PLEKHA7: variants seen among roughly 807,000 people sequenced by gnomAD.
PLEKHA7 encodes pleckstrin homology domain-containing family A member 7.
Under a neutral mutation model 170.0 loss-of-function variants are expected in PLEKHA7, and 104 were observed. The observed-to-expected ratio is 0.61, with a 90% CI of 0.52 to 0.72. The LOEUF (loss-of-function observed/expected upper bound fraction) is 0.72, where lower values mean the gene tolerates loss of function less well. PLEKHA7 is among the 30% of genes least tolerant of loss of function. PLEKHA7 has a pLI of 0.00. For missense variants in PLEKHA7, 1,615 were observed against 1,671.7 expected, an observed-to-expected ratio of 0.97 and a Z score of 0.59; for synonymous variants, 648 against 660.8, an observed-to-expected ratio of 0.98 and a Z score of 0.30.
intron 3 of PLEKHA7, among the ~76,000 whole-genome samples, chr11:16,996,865 G>A (rs879476532): frequency 1.3e-5 from 2 of 152,128 alleles, no homozygotes; most frequent in Non-Finnish European, 2.9e-5. Context: ...GAACCTGGGA[G>A]GCAGAGCTTG....
At chr11:16,866,538 G>T (rs753869260) in intron 4 of PLEKHA7, among the ~76,000 whole-genome samples, 9 of 151,970 alleles carry the variant, frequency 5.9e-5, no homozygotes, top group Non-Finnish European at 1.0e-4. Flanking sequence ...GTTGCAGTGA[G>T]CTGAGAGTGC....
At chr11:16,919,990 T>C (rs1046220698) in intron 3 of PLEKHA7, among the ~76,000 whole-genome samples, 12 of 152,168 alleles carry the variant, frequency 7.9e-5, no homozygotes, top group African/African-American at 2.9e-4. Context: ...TGGGACAACC[T>C]GGATTTGGAT....
intron 13 of PLEKHA7, among the ~76,000 whole-genome samples, chr11:16,808,185 A>G (rs1362698308): frequency 6.6e-6 from 1 of 152,208 alleles, no homozygotes; most frequent in Non-Finnish European, 1.5e-5. Flanking sequence ...AAAAACACCT[A>G]AGGAGTTTGT....
intron 3 of PLEKHA7, chr11:16,975,066 T>TA: frequency 7.2e-6 from 5 of 693,408 alleles, no homozygotes; most frequent in Non-Finnish European, 1.0e-5. Flanking sequence ...ATATATACTA[T>TA]GTATATATGT....
chr11:16,956,026 G>C (rs961309249), intron 3 of PLEKHA7, among the ~76,000 whole-genome samples: 1 of 152,152 alleles, frequency 6.6e-6, no homozygotes. Context: ...AAAAAAGTTA[G>C]GGATGAGTAT....
At chr11:16,804,624 G>A (rs949761329) in intron 13 of PLEKHA7, among the ~76,000 whole-genome samples, 3 of 152,180 alleles carry the variant, frequency 2.0e-5, no homozygotes, top group East Asian at 1.9e-4. Context: ...AGAAGAGGAC[G>A]GAACCATTGT....
rs144977648 is a variant in PLEKHA7, at chr11:16,839,775, A to G, written c.872+1772T>C. ...CACCATTTTATATAAGGGACTGAGT[A>G]TTTTGGTATCTGTGGGGCTTCCTGG... On this transcript the variant is annotated intron_variant, in intron 9 of 26. Coordinates refer to ENST00000531066, the MANE Select transcript of PLEKHA7 (RefSeq NM_001329630.2). Among the ~76,000 whole-genome samples the G allele has an allele frequency of 2.0e-5, 3 of 152,328 alleles. No individual in the cohort carries two copies. The East Asian group carries it at 5.8e-4, about 29-fold the overall frequency.
intron 19 of PLEKHA7, among the ~76,000 whole-genome samples, chr11:16,793,471 T>C (rs1590136575): frequency 6.6e-6 from 1 of 152,166 alleles, no homozygotes; most frequent in African/African-American, 2.4e-5. Flanking sequence ...AGGTAGATGG[T>C]GAAGACCAGG....
At chr11:16,968,761 A>G (rs1260438209) in intron 3 of PLEKHA7, among the ~76,000 whole-genome samples, 1 of 152,206 alleles carries the variant, frequency 6.6e-6, no homozygotes, top group Non-Finnish European at 1.5e-5. Context: ...CTGGCATGAT[A>G]GGCCTGCAAA....
chr11:16,856,919 T>G (rs1317375678), intron 4 of PLEKHA7, among the ~76,000 whole-genome samples: 1 of 152,112 alleles, frequency 6.6e-6, no homozygotes, highest in Non-Finnish European at 1.5e-5. Context: ...CACAGAAAAC[T>G]GAGGCTCTTT....
Position 16,906,282 on chromosome 11 carries a change from A to AAG in PLEKHA7, c.222-35101_222-35100insCT, listed in dbSNP as rs1238141139. ...AGGAAGGAAGGAAGGAAGGAAGGAA[A>AAG]GAAAGAAAATTGGAAAGGCTCCTCC... On this transcript the variant is annotated intron_variant, in intron 3 of 26. Transcript: ENST00000531066. Among the ~76,000 whole-genome samples the AAG allele has an allele frequency of 4.4e-3, 323 of 73,616 alleles. 3 individuals carry two copies. Among genetic ancestry groups the AAG allele is most frequent in the African/African-American group, 0.02 (287 of 14,342 alleles). The allele number at this position is 73,616 out of a possible 152,430, so 48.3% of individuals were successfully genotyped here.
intron 3 of PLEKHA7, among the ~76,000 whole-genome samples, chr11:16,893,601 C>G (rs550129736): frequency 6.6e-6 from 1 of 152,292 alleles, no homozygotes; most frequent in East Asian, 1.9e-4. Flanking sequence ...CAGCTGGTAA[C>G]TTTTCCCATT....
At chr11:16,944,366 G>C (rs958545141) in intron 3 of PLEKHA7, among the ~76,000 whole-genome samples, 2 of 151,234 alleles carry the variant, frequency 1.3e-5, no homozygotes, top group African/African-American at 4.9e-5. Context: ...CAAAAAATAA[G>C]CCGGGCGCGG....
intron 3 of PLEKHA7, among the ~76,000 whole-genome samples, chr11:16,972,008 G>C (rs1158029996): frequency 6.6e-6 from 1 of 152,066 alleles, no homozygotes; most frequent in Non-Finnish European, 1.5e-5. Context: ...ATTTTTAGTA[G>C]AGATGGGGTT....
chr11:16,881,347 G>C (rs1029783013), intron 3 of PLEKHA7: 4 of 152,138 alleles, frequency 2.6e-5, no homozygotes, highest in African/African-American at 9.7e-5. Flanking sequence ...TTAAATCTTA[G>C]GTTCAGGTCA....
At chr11:16,860,288 G>T (rs1853835329) in intron 4 of PLEKHA7, among the ~76,000 whole-genome samples, 1 of 152,196 alleles carries the variant, frequency 6.6e-6, no homozygotes, top group Admixed American at 6.5e-5. Flanking sequence ...ATAACTGACA[G>T]ATGTAGTAAG....
In PLEKHA7 at chr11:16,786,291, C is replaced by G. The variant is rs1849387012; in HGVS notation, c.3454G>C (p.Ala1152Pro). 2 of 1,536,048 alleles carry G rather than the reference C, an allele frequency of 1.3e-6. No individual in the cohort carries two copies. Among genetic ancestry groups the G allele is most frequent in the Non-Finnish European group, 1.7e-6 (2 of 1,146,926 alleles). Residue 1152 changes from alanine (A) to proline (P), a missense_variant, in exon 24 of 27, where the codon GCC (alanine) becomes CCC (proline). By Grantham distance (27) the Ala-to-Pro change is conservative. Coordinates refer to ENST00000531066, the MANE Select transcript of PLEKHA7 (RefSeq NM_001329630.2). ...AGGTCCAACTCAGTGACAGGCATGG[C>G]CTGCACTTTCAACCAGCCATTCTCC... ...KEENGWLKVQ[A>P]MPVTELDLEP...
chr11:16,968,105 G>A (rs1033048819), intron 3 of PLEKHA7, among the ~76,000 whole-genome samples: 2 of 152,174 alleles, frequency 1.3e-5, no homozygotes, highest in Admixed American at 1.3e-4. Context: ...AGAGGGAATA[G>A]ACTGCTAATG....
At chr11:16,865,001 A>G (rs918877615) in intron 4 of PLEKHA7, among the ~76,000 whole-genome samples, 2 of 152,014 alleles carry the variant, frequency 1.3e-5, no homozygotes, top group African/African-American at 4.8e-5. Context: ...CACATCCTCC[A>G]TCTTCTCTCC....
Sources: allele counts gnomAD v4.1 joint callset (sites outside exome capture counted in the v4.1 genomes callset), GRCh38; gene constraint gnomAD v4.1.1; transcripts MANE v1.5; gene names NCBI Gene and HGNC (gene_info 2026-07-23, HGNC 2026-07-21).